Variants in TMEM135 observed in about 807,000 individuals in gnomAD.
TMEM135 encodes the protein transmembrane protein 135.
Under a neutral mutation model 60.3 loss-of-function variants are expected in TMEM135, and 30 were observed. That is an observed-to-expected ratio of 0.50 (90% confidence interval 0.37 to 0.68). TMEM135 has a LOEUF of 0.68. Ranked by LOEUF, TMEM135 falls within the 30% of genes least tolerant of loss-of-function variation. TMEM135 has a pLI of 0.00. For synonymous variants in TMEM135, 190 were observed against 186.7 expected (o/e 1.02, Z -0.14); for missense variants, 468 against 548.8 (o/e 0.85, Z 1.47).
intron 4 of TMEM135, among the ~76,000 whole-genome samples, chr11:87,132,810 A>G: frequency 7.8e-6 from 1 of 127,888 alleles, no homozygotes; most frequent in Non-Finnish European, 1.7e-5. Context: ...CTATACATAC[A>G]TACCTATGGT....
intron 1 of TMEM135, 59 bp downstream of exon 1, chr11:87,038,245 G>T: frequency 6.2e-7 from 1 of 1,608,528 alleles, no homozygotes; most frequent in Non-Finnish European, 8.5e-7. Context: ...GCCGGGGGCT[G>T]CAGTTGGTGC....
At chr11:87,153,394 A>G (rs1366469158) in intron 4 of TMEM135, among the ~76,000 whole-genome samples, 2 of 152,144 alleles carry the variant, frequency 1.3e-5, no homozygotes, top group African/African-American at 4.8e-5. Flanking sequence ...TAGTTGATAT[A>G]TTGACATCTT....
intron 3 of TMEM135, among the ~76,000 whole-genome samples, chr11:87,071,926 C>T (rs1856779601): frequency 6.6e-6 from 1 of 152,236 alleles, no homozygotes; most frequent in African/African-American, 2.4e-5. Context: ...GCAGCTCATT[C>T]CTGTAATCCC....
chr11:87,109,419 A>C (rs1250913834), intron 4 of TMEM135, among the ~76,000 whole-genome samples: 1 of 152,208 alleles, frequency 6.6e-6, no homozygotes, highest in Non-Finnish European at 1.5e-5. Flanking sequence ...CTGTAATAAA[A>C]GTTATGTGAA....
rs1171119320 is a variant in TMEM135 at position 87,256,096 on chromosome 11, A to G, written c.509+19412A>G. 2.6e-5 allele frequency among the ~76,000 whole-genome samples: 4 copies of G among 152,188 alleles called. No homozygotes were observed. The East Asian group carries it at 7.7e-4, about 29-fold the overall frequency. Reference sequence around the variant, plus strand: ...GATTACTCCCTGTCTCCATGTTAGGACAACCTTTTAATGGATGTCTTTTAA... The same window carrying G: ...GATTACTCCCTGTCTCCATGTTAGGGCAACCTTTTAATGGATGTCTTTTAA... On this transcript the variant is annotated intron_variant, in intron 6 of 14. Transcript: ENST00000305494.
intron 5 of TMEM135, among the ~76,000 whole-genome samples, chr11:87,181,377 A>G (rs1485532150): frequency 6.6e-6 from 1 of 152,326 alleles, no homozygotes; most frequent in East Asian, 1.9e-4. Flanking sequence ...GACCCAGAGG[A>G]GAGGACAAAG....
intron 6 of TMEM135, among the ~76,000 whole-genome samples, chr11:87,289,282 C>G (rs1235135125): frequency 1.4e-4 from 22 of 151,982 alleles, no homozygotes; most frequent in Admixed American, 1.4e-3. Flanking sequence ...ATATTTATCA[C>G]GTCTTTGTAT....
chr11:87,125,467 T>C (rs76294765), intron 4 of TMEM135, among the ~76,000 whole-genome samples: 5,126 of 152,210 alleles, frequency 0.034, 259 homozygotes, highest in African/African-American at 0.11. Context: ...GAAAATCTTA[T>C]GCAAGAGTGT....
At chr11:87,161,143 C>G (rs1434452466) in intron 5 of TMEM135, among the ~76,000 whole-genome samples, 9 of 152,108 alleles carry the variant, frequency 5.9e-5, no homozygotes, top group Admixed American at 5.9e-4. Flanking sequence ...CGTGATCTGC[C>G]CTCTTCCGCC....
intron 4 of TMEM135, among the ~76,000 whole-genome samples, chr11:87,103,155 A>G (rs1857502564): frequency 6.6e-6 from 1 of 152,204 alleles, no homozygotes; most frequent in Non-Finnish European, 1.5e-5. Context: ...CATCCCTTTG[A>G]CATACCGATT....
intron 4 of TMEM135, among the ~76,000 whole-genome samples, chr11:87,147,200 G>A (rs1249713356): frequency 6.6e-6 from 1 of 152,034 alleles, no homozygotes; most frequent in Non-Finnish European, 1.5e-5. Context: ...GCGTGTGCCT[G>A]TAGTCCCAGC....
chr11:87,284,217 C>T (rs568373939), intron 6 of TMEM135, among the ~76,000 whole-genome samples: 1 of 152,296 alleles, frequency 6.6e-6, no homozygotes, highest in African/African-American at 2.4e-5. Context: ...TCCAATGAAA[C>T]CACAATCTGC....
intron 6 of TMEM135, among the ~76,000 whole-genome samples, chr11:87,289,104 T>A (rs906801457): frequency 7.9e-5 from 12 of 152,204 alleles, no homozygotes; most frequent in Non-Finnish European, 1.8e-4. Flanking sequence ...TGGAAAAAAA[T>A]TCCATATTGT....
chr11:87,184,878 C>G (rs753742437), intron 5 of TMEM135, among the ~76,000 whole-genome samples: 1 of 152,040 alleles, frequency 6.6e-6, no homozygotes, highest in African/African-American at 2.4e-5. Flanking sequence ...TGGCAAACAT[C>G]CTGTTTGCTA....
intron 4 of TMEM135, among the ~76,000 whole-genome samples, chr11:87,131,976 C>T (rs954002358): frequency 1.3e-5 from 2 of 152,102 alleles, no homozygotes; most frequent in Admixed American, 1.3e-4. Context: ...GTTGCTCACT[C>T]CTTATGAGAA....
At chr11:87,043,893 A>C (rs1256903015) in intron 1 of TMEM135, among the ~76,000 whole-genome samples, 2 of 152,098 alleles carry the variant, frequency 1.3e-5, no homozygotes, top group Non-Finnish European at 2.9e-5. Context: ...TAAGAAGGAA[A>C]ACTTGTTCAC....
intron 10 of TMEM135, among the ~76,000 whole-genome samples, chr11:87,312,878 C>T (rs1942665494): frequency 6.6e-6 from 1 of 151,828 alleles, no homozygotes; most frequent in Non-Finnish European, 1.5e-5. Context: ...TCTAAGTTTA[C>T]CTTCACTTTT....
At chr11:87,038,656 G>C (rs1407850545) in intron 1 of TMEM135, among the ~76,000 whole-genome samples, 1 of 136,810 alleles carries the variant, frequency 7.3e-6, no homozygotes, top group African/African-American at 2.7e-5. Context: ...TTGGCCCTAA[G>C]TCCCTGTGGC....
intron 1 of TMEM135, among the ~76,000 whole-genome samples, chr11:87,043,914 T>TG (rs1175674212): frequency 6.6e-6 from 1 of 152,120 alleles, no homozygotes; most frequent in African/African-American, 2.4e-5. Context: ...TAACCTCAGA[T>TG]GGTTCTAACA....
Sources: gnomAD v4.1 joint callset for allele counts (sites outside exome capture counted in the v4.1 genomes callset) on GRCh38, gnomAD v4.1.1 for gene constraint, MANE v1.5 for transcripts, NCBI Gene and HGNC (gene_info 2026-07-23, HGNC 2026-07-21) for gene names.